Variants in CCDC33 observed in about 807,000 individuals in gnomAD.
CCDC33 encodes coiled-coil domain containing 33.
Under a neutral mutation model 91.9 loss-of-function variants are expected in CCDC33, and 94 were observed. That is an observed-to-expected ratio of 1.02 (90% CI 0.87 to 1.21). The LOEUF (loss-of-function observed/expected upper bound fraction) is 1.21. CCDC33 is among the 50% of genes most tolerant of loss of function. CCDC33 has a pLI of 0.00. For synonymous variants in CCDC33, 396 were observed against 374.5 expected, an observed-to-expected ratio of 1.06 and a Z score of -0.66; for missense variants, 940 against 935.5, an observed-to-expected ratio of 1.00 and a Z score of -0.06.
chr15:74,316,111 G>T lies in CCDC33; in HGVS notation c.1291-14078G>T, dbSNP rs181610238. Among the ~76,000 whole-genome samples, 1,008 of 152,290 alleles carry T rather than the reference G, an allele frequency of 6.6e-3. 9 individuals are homozygous for T. The highest frequency in any genetic ancestry group is 0.023 in the African/African-American group (939 of 41,566). On this transcript the variant is annotated intron_variant, in intron 11 of 18. Transcript: ENST00000398814. This position sits in a 1 kb window ranked among gnomAD's most constrained non-coding sequence, Gnocchi z 4.7. The stretch of plus-strand genomic sequence containing the variant: ...TAAGGGGTGGGCAAGGGGCAGGGGT[G>T]GGGGCTCTTGAGCACCCGTTTTATA...
chr15:74,315,630 G>T (rs765456581), intron 11 of CCDC33, among the ~76,000 whole-genome samples: 80 of 152,358 alleles, frequency 5.3e-4, no homozygotes, highest in Middle Eastern at 3.4e-3. Context: ...AGGAAGCCAA[G>T]AAGAGTAGGA....
chr15:74,289,309 T>G (rs1404252548), intron 10 of CCDC33, among the ~76,000 whole-genome samples: 3 of 152,152 alleles, frequency 2.0e-5, no homozygotes, highest in African/African-American at 7.2e-5. Flanking sequence ...CTGCCCTGAG[T>G]TGGGGGCTGT....
At chr15:74,238,734 C>T (rs1005879579) in intron 1 of CCDC33, among the ~76,000 whole-genome samples, 5 of 152,098 alleles carry the variant, frequency 3.3e-5, no homozygotes, top group African/African-American at 7.2e-5. Context: ...AACATAATTC[C>T]TCTTGCTGCC....
chr15:74,312,130 G>A lies in CCDC33; in HGVS notation c.1290+16182G>A, dbSNP rs1211647009. Among the ~76,000 whole-genome samples, 6 of 152,220 alleles carry A rather than the reference G, an allele frequency of 3.9e-5. No individual in the cohort carries two copies. In the East Asian group the frequency reaches 1.2e-3, roughly 29 times the overall value. ...TCAGAGAGGGAAGGTGCCCATCAGA[G>A]TCCAGAAGGACTGGCAAAACTAGAA... On this transcript the variant is annotated intron_variant, in intron 11 of 18. Coordinates refer to ENST00000398814, the MANE Select transcript of CCDC33 (RefSeq NM_025055.5).
intron 11 of CCDC33, among the ~76,000 whole-genome samples, chr15:74,328,195 CTG>C (rs2060349286): frequency 6.6e-6 from 1 of 152,170 alleles, no homozygotes; most frequent in South Asian, 2.1e-4. Flanking sequence ...CTGCCATAAA[CTG>C]AAGATTTAGA....
chr15:74,262,316 TG>T, intron 2 of CCDC33, 123 bp from the exon 3 acceptor site: 2 of 1,274,792 alleles, frequency 1.6e-6, no homozygotes, highest in Non-Finnish European at 1.1e-6. Flanking sequence ...TGTCTATGCA[TG>T]GGACAGAGCT....
At chr15:74,230,442 T>C (rs932806138) in intron 2 of CCDC33, among the ~76,000 whole-genome samples, 1 of 152,130 alleles carries the variant, frequency 6.6e-6, no homozygotes, top group Non-Finnish European at 1.5e-5. Flanking sequence ...GAGTTATTGA[T>C]TTTTCAAAAG....
intron 11 of CCDC33, among the ~76,000 whole-genome samples, chr15:74,311,313 C>A (rs893721996): frequency 6.6e-6 from 1 of 152,154 alleles, no homozygotes; most frequent in African/African-American, 2.4e-5. Flanking sequence ...CCAGTGTGTT[C>A]TCTCCTGGCC....
chr15:74,214,640 A>C (rs1349596782), upstream of CCDC33, among the ~76,000 whole-genome samples: 1 of 152,178 alleles, frequency 6.6e-6, no homozygotes, highest in East Asian at 1.9e-4. Context: ...CATAGAACTG[A>C]GGCCAGACTC....
intron 11 of CCDC33, among the ~76,000 whole-genome samples, chr15:74,310,179 T>C (rs2059965249): frequency 6.6e-6 from 1 of 151,540 alleles, no homozygotes; most frequent in African/African-American, 2.4e-5. Context: ...CAAAAACAAC[T>C]CTGGGAAGAT....
intron 5 of CCDC33, among the ~76,000 whole-genome samples, chr15:74,270,132 G>A (rs1187678537): frequency 6.6e-6 from 1 of 152,222 alleles, no homozygotes; most frequent in Non-Finnish European, 1.5e-5. Flanking sequence ...GAGCTGCGAG[G>A]CCCTAAGGAC....
chr15:74,307,488 A>G (rs1340162906), intron 11 of CCDC33, among the ~76,000 whole-genome samples: 2 of 151,904 alleles, frequency 1.3e-5, no homozygotes, highest in Admixed American at 6.5e-5. Context: ...ACCGAGGGGG[A>G]GTCTTGGTCC....
chr15:74,213,777 G>T (rs951944800), upstream of CCDC33, among the ~76,000 whole-genome samples: 1 of 152,202 alleles, frequency 6.6e-6, no homozygotes, highest in Admixed American at 6.5e-5. Context: ...TGGGAAGTGG[G>T]CCTGGGGTGA....
At position 74,295,877 on chromosome 15, in the gene CCDC33, A is replaced by G; in HGVS notation, c.1219A>G (p.Met407Val). ...GTCCAAGGACACAGTGAGCTCCACA[A>G]TGGACTTGAGCACGTCCACTCCACG... ...SWSKDTVSST[M>V]DLSTSTPREA... Residue 407 changes from methionine (M) to valine (V), a missense_variant, in exon 11 of 19, where the codon ATG becomes GTG. Coordinates refer to ENST00000398814, the MANE Select transcript of CCDC33 (RefSeq NM_025055.5). 6 of 1,614,134 alleles carry G rather than the reference A, an allele frequency of 3.7e-6. No homozygotes were observed. Among genetic ancestry groups the G allele is most frequent in the Non-Finnish European group, 5.1e-6 (6 of 1,180,012 alleles).
At chr15:74,332,030 A>AAAAT (rs1050288912) in intron 15 of CCDC33, among the ~76,000 whole-genome samples, 1 of 152,088 alleles carries the variant, frequency 6.6e-6, no homozygotes, top group Non-Finnish European at 1.5e-5. Context: ...ACTCCGCCTC[A>AAAAT]AAATAAATAA....
At chr15:74,217,374 G>T in exon 1 of CCDC33, 1 of 1,290,046 alleles carries the variant, frequency 7.8e-7, no homozygotes, top group Non-Finnish European at 1.0e-6. Context: ...AGTTTTGAGC[G>T]TGGGGTTTAA....
In CCDC33 at chr15:74,333,971, G is replaced by C. The variant is rs758146764; in HGVS notation, c.2025+4G>C. ...GATCCTGTCCCTGGAAAGCCAGGTG[G>C]GTGAGATGCAGGAGTTGATGAGGCT... On this transcript the variant is annotated splice_donor_region_variant and intron_variant, in intron 17 of 18. Transcript: ENST00000398814. 1.1e-5 allele frequency: 18 copies of C among 1,612,758 alleles called. No homozygotes were observed. Among genetic ancestry groups the C allele is most frequent in the Admixed American group, 3.3e-5 (2 of 59,964 alleles).
intron 1 of CCDC33, chr15:74,209,209 G>T: frequency 4.8e-6 from 5 of 1,047,410 alleles, no homozygotes; most frequent in Admixed American, 2.4e-5. Flanking sequence ...TGTCTCCAGC[G>T]GTATAGCCTC....
intron 10 of CCDC33, among the ~76,000 whole-genome samples, chr15:74,283,819 C>CA (rs56248228): frequency 0.7 from 103,556 of 148,768 alleles, 38,035 homozygotes; most frequent in Non-Finnish European, 0.83. Flanking sequence ...CACACACACA[C>CA]CCCCTCTACA....
Sources: gnomAD v4.1 joint callset for allele counts (sites outside exome capture counted in the v4.1 genomes callset) on GRCh38, gnomAD v4.1.1 for gene constraint, Gnocchi (gnomAD v3.1) non-coding constraint, MANE v1.5 for transcripts, NCBI Gene and HGNC (gene_info 2026-07-23, HGNC 2026-07-21) for gene names.